Variants in ZNF165 observed in about 807,000 individuals in gnomAD.
The protein encoded by ZNF165 is zinc finger protein 165.
In ZNF165, 14 loss-of-function variants were observed where a neutral mutation model predicts 19.6. That is an observed-to-expected ratio of 0.71 (90% CI 0.47 to 1.12). The LOEUF (loss-of-function observed/expected upper bound fraction) is 1.12, where lower values mean the gene tolerates loss of function less well. ZNF165 is among the 50% of genes most tolerant of loss of function. The pLI is 0.00. For synonymous variants in ZNF165, 165 were observed against 195.0 expected (o/e 0.85, Z 1.28); for missense variants, 504 against 566.3 (o/e 0.89, Z 1.12).
chr6:28,089,019 C>T lies in ZNF165; in HGVS notation c.1007C>T (p.Ala336Val). The change falls in exon 4 of 4, where the codon GCA (alanine) becomes GTA (valine). Residue 336 changes from alanine to valine, a missense_variant. Coordinates refer to ENST00000683778, the MANE Select transcript of ZNF165 (RefSeq NM_001376491.1). ...FKSPKLAKHA[A>V]VFSGDKTHQC... ...AGCCCAAAACTTGCTAAACATGCAG[C>T]AGTTTTCAGTGGAGATAAAACTCAT... is the stretch of plus-strand genomic sequence containing the variant. 6.2e-7 allele frequency: 1 copy of T among 1,614,156 alleles called. No homozygotes were observed. The highest frequency in any genetic ancestry group is 8.5e-7 in the Non-Finnish European group (1 of 1,180,008).
At chr6:28,086,383 C>T (rs1302025911) in intron 3 of ZNF165, 73 bp downstream of exon 3, 1 of 1,542,162 alleles carries the variant, frequency 6.5e-7, no homozygotes, top group African/African-American at 1.4e-5. Context: ...ACAAACTAGT[C>T]TTGGTAACTG....
At chr6:28,081,013 C>A (rs1764141434) in intron 1 of ZNF165, 43 bp downstream of exon 1, 1 of 152,474 alleles carries the variant, frequency 6.6e-6, no homozygotes, top group Admixed American at 6.5e-5. Context: ...CCCCGTGTCC[C>A]CCTCCAAACA....
intron 1 of ZNF165, among the ~76,000 whole-genome samples, chr6:28,083,906 A>G (rs867943416): frequency 1.3e-5 from 2 of 152,176 alleles, no homozygotes; most frequent in African/African-American, 2.4e-5. Flanking sequence ...TTTAACAAAC[A>G]TGTACAATGT....
intron 1 of ZNF165, among the ~76,000 whole-genome samples, chr6:28,082,370 C>T (rs1307773724): frequency 6.6e-6 from 1 of 152,140 alleles, no homozygotes. Flanking sequence ...AAGACACACA[C>T]AGAAATATAG....
chr6:28,081,381 G>A (rs1403053569), intron 1 of ZNF165: 1 of 152,254 alleles, frequency 6.6e-6, no homozygotes, highest in Non-Finnish European at 1.5e-5. Context: ...CCAATCCCCT[G>A]CTTCCCTTGG....
Position 28,088,719 on chromosome 6 carries a change from A to G in ZNF165, c.707A>G (p.Gln236Arg), listed in dbSNP as rs1372031813. 4 of 1,614,048 alleles carry G rather than the reference A, an allele frequency of 2.5e-6. No individual in the cohort carries two copies. Reference sequence around the variant, plus strand: ...AAGTCTGCAGGCAGGGTAAAGAGACAATGGGAAAAAGAATCAGGGGAGTCT... The same window carrying G: ...AAGTCTGCAGGCAGGGTAAAGAGACGATGGGAAAAAGAATCAGGGGAGTCT... Reference protein sequence around the residue: ...ICKSAGRVKRQWEKESGESQR... With the variant: ...ICKSAGRVKRRWEKESGESQR... Residue 236 changes from glutamine to arginine, a missense_variant, in exon 4 of 4, where the codon CAA (glutamine) becomes CGA (arginine). Gln to Arg is a conservative substitution (Grantham distance 43). Coordinates refer to ENST00000683778, the MANE Select transcript of ZNF165 (RefSeq NM_001376491.1).
Position 28,089,412 on chromosome 6 carries a change from A to G in ZNF165, c.1400A>G (p.Gln467Arg), listed in dbSNP as rs942432393. 6.2e-7 allele frequency: 1 copy of G among 1,613,784 alleles called. No homozygotes were observed. Among genetic ancestry groups the G allele is most frequent in the Non-Finnish European group, 8.5e-7 (1 of 1,179,858 alleles). Residue 467 changes from glutamine to arginine, a missense_variant, in exon 4 of 4, where the codon CAG becomes CGG. Physicochemically the swap from Gln to Arg is conservative, Grantham distance 43 (BLOSUM62 1). Transcript: ENST00000683778. ...ECSECGRAFSQSSNLSQHQRI... is the reference protein window; with the variant it reads ...ECSECGRAFSRSSNLSQHQRI... The stretch of plus-strand genomic sequence containing the variant: ...AGTGAGTGTGGAAGAGCCTTCAGTC[A>G]GAGCTCAAACCTTAGTCAACACCAG...
At chr6:28,084,770 G>A (rs1330000212) in intron 1 of ZNF165, among the ~76,000 whole-genome samples, 1 of 152,138 alleles carries the variant, frequency 6.6e-6, no homozygotes, top group Non-Finnish European at 1.5e-5. Flanking sequence ...GTGTTTAGCA[G>A]GTCATTCTGC....
Position 28,086,012 on chromosome 6 carries a change from C to T in ZNF165, c.411+121C>T, listed in dbSNP as rs374238003. On this transcript the variant is annotated intron_variant, in intron 2 of 3. Coordinates refer to ENST00000683778, the MANE Select transcript of ZNF165 (RefSeq NM_001376491.1). ...GTTGGTTCAGTGTGCATTTATGTCT[C>T]CTTTCCTGTCTGTTTGATTCCACAC... 5.2e-5 allele frequency: 77 copies of T among 1,492,382 alleles called. 1 individual carries two copies. Among genetic ancestry groups the T allele is most frequent in the South Asian group, 2.2e-4 (18 of 80,580 alleles). 92.4% of individuals were successfully genotyped at this position (1,492,382 alleles called of 1,614,324 possible).
chr6:28,082,675 C>T (rs1764184214), intron 1 of ZNF165, among the ~76,000 whole-genome samples: 1 of 152,220 alleles, frequency 6.6e-6, no homozygotes. Context: ...GCGTCAAGGC[C>T]ATCATGAGCA....
chr6:28,087,307 G>A (rs574550230), intron 3 of ZNF165, among the ~76,000 whole-genome samples: 5 of 152,194 alleles, frequency 3.3e-5, no homozygotes, highest in Middle Eastern at 3.4e-3. Flanking sequence ...GTGCAGTGGC[G>A]TGATCTCAGC....
At chr6:28,083,957 T>G (rs1764213145) in intron 1 of ZNF165, among the ~76,000 whole-genome samples, 1 of 152,230 alleles carries the variant, frequency 6.6e-6, no homozygotes. Flanking sequence ...ATCTTTTGTA[T>G]CCATGTTTTA....
At chr6:28,088,105 G>A (rs1764321372) in intron 3 of ZNF165, among the ~76,000 whole-genome samples, 1 of 152,190 alleles carries the variant, frequency 6.6e-6, no homozygotes, top group Admixed American at 6.5e-5. Context: ...ACAATAGGTG[G>A]ATGGAAGTTT....
intron 1 of ZNF165, 61 bp from the exon 2 acceptor site, chr6:28,085,420 G>T: frequency 6.6e-7 from 1 of 1,523,740 alleles, no homozygotes; most frequent in South Asian, 1.2e-5. Flanking sequence ...CCCTCAGGAG[G>T]ACTCTTGAAA....
At position 28,089,353 on chromosome 6, in the gene ZNF165, T is replaced by C. The variant is rs1355952899; in HGVS notation, c.1341T>C (p.Phe447=). 18 of 1,614,022 alleles carry C rather than the reference T, an allele frequency of 1.1e-5. No homozygotes were observed. Among genetic ancestry groups the C allele is most frequent in the East Asian group, 2.2e-5 (1 of 44,882 alleles). ...TGAGCTCACATCTTATTCGACACTT[T>C]AGAATTCACACTGGAGAAAAACCCT... ...FRVSSHLIRH[F]RIHTGEKPYE... is the part of the protein sequence containing the mutation. The change falls in exon 4 of 4, where the codon TTT becomes TTC. Residue 447 remains phenylalanine (F), a synonymous_variant. Transcript: ENST00000683778.
chr6:28,084,496 A>G (rs1282467528), intron 1 of ZNF165, among the ~76,000 whole-genome samples: 1 of 152,088 alleles, frequency 6.6e-6, no homozygotes, highest in Non-Finnish European at 1.5e-5. Flanking sequence ...CATCTCTACT[A>G]AAAATACAAA....
At position 28,080,852 on chromosome 6, in the gene ZNF165, C is replaced by A; in HGVS notation, c.-119C>A. 1 of 152,186 alleles carries A rather than the reference C, an allele frequency of 6.6e-6. No homozygotes were observed. The highest frequency in any genetic ancestry group is 2.1e-4 in the South Asian group (1 of 4,826). The allele number at this position is 152,186 out of a possible 1,614,324, so 9.4% of individuals were successfully genotyped here. On this transcript the variant is annotated 5_prime_UTR_variant, in exon 1 of 4. Transcript: ENST00000683778. ...CAGGAAGGATTCTTGGAATTGTAGT[C>A]CAAAGGCATCCCGCCTTCTGCGCAG...
chr6:28,088,477 A>G, intron 3 of ZNF165, 86 bp from the exon 4 acceptor site: 2 of 1,109,430 alleles, frequency 1.8e-6, no homozygotes, highest in Non-Finnish European at 2.6e-6. Context: ...AAGTGGGCAT[A>G]TCAATATGTA....
Position 28,088,557 on chromosome 6 carries a change from T to C in ZNF165, c.551-6T>C. 2 of 1,566,956 alleles carry C rather than the reference T, an allele frequency of 1.3e-6. No homozygotes were observed. Among genetic ancestry groups the C allele is most frequent in the Non-Finnish European group, 1.7e-6 (2 of 1,162,468 alleles). Reference sequence around the variant, plus strand: ...AGGTAATATTTCCCTTTCTTTTTTATTTTAGATAATGAGAGTGAAAACAGT... The same window carrying C: ...AGGTAATATTTCCCTTTCTTTTTTACTTTAGATAATGAGAGTGAAAACAGT... On this transcript the variant is annotated splice_polypyrimidine_tract_variant and splice_region_variant and intron_variant, in intron 3 of 3. Coordinates refer to ENST00000683778, the MANE Select transcript of ZNF165 (RefSeq NM_001376491.1).
Sources: gnomAD v4.1 joint callset for allele counts (sites outside exome capture counted in the v4.1 genomes callset) on GRCh38, gnomAD v4.1.1 for gene constraint, MANE v1.5 for transcripts, NCBI Gene and HGNC (gene_info 2026-07-23, HGNC 2026-07-21) for gene names.